The following KHDRBS2 variants were observed in gnomAD, a reference collection of about 807,000 sequenced individuals.
KHDRBS2 encodes the protein KH domain-containing, RNA-binding, signal transduction-associated protein 2.
In KHDRBS2, 26 loss-of-function variants were observed where a neutral mutation model predicts 44.3. That is an observed-to-expected ratio of 0.59 (90% confidence interval 0.43 to 0.81). KHDRBS2 has a LOEUF of 0.81. Among genes scored for constraint, KHDRBS2 ranks in the 40% least tolerant of loss-of-function variants. The pLI is 0.00. For missense variants in KHDRBS2, 476 were observed against 433.1 expected (o/e 1.10, Z -0.88); for synonymous variants, 194 against 151.1 (o/e 1.28, Z -2.08).
chr6:62,236,701 TA>T (rs1334684248), intron 1 of KHDRBS2, among the ~76,000 whole-genome samples: 1 of 151,960 alleles, frequency 6.6e-6, no homozygotes, highest in East Asian at 1.9e-4. Flanking sequence ...TTCTAATAAT[TA>T]AAAAAAGCAA....
At chr6:61,945,110 AAAGTATATATATATAT>A (rs1443089349) in intron 4 of KHDRBS2, among the ~76,000 whole-genome samples, 4 of 46,272 alleles carry the variant, frequency 8.6e-5, no homozygotes, top group East Asian at 4.4e-4. Flanking sequence ...AAAAAAAAAA[AAAGTATATATATATAT>A]ATATATATAT....
At chr6:62,216,706 T>TG (rs1275146786) in intron 1 of KHDRBS2, among the ~76,000 whole-genome samples, 8 of 150,504 alleles carry the variant, frequency 5.3e-5, no homozygotes, top group Non-Finnish European at 8.9e-5. Flanking sequence ...CTTTTTTTTT[T>TG]TTTTGTTTTA....
At chr6:61,687,918 A>G (rs1766996364) in intron 8 of KHDRBS2, among the ~76,000 whole-genome samples, 1 of 151,796 alleles carries the variant, frequency 6.6e-6, no homozygotes, top group African/African-American at 2.4e-5. Flanking sequence ...GCAATATTAG[A>G]AAGAATCCCC....
At chr6:61,957,314 A>T (rs1767595781) in intron 4 of KHDRBS2, among the ~76,000 whole-genome samples, 1 of 152,218 alleles carries the variant, frequency 6.6e-6, no homozygotes, top group African/African-American at 2.4e-5. Flanking sequence ...AAAGAACAGG[A>T]TAACAGCAAT....
At chr6:61,698,614 C>T (rs1434820659) in intron 7 of KHDRBS2, among the ~76,000 whole-genome samples, 1 of 152,076 alleles carries the variant, frequency 6.6e-6, no homozygotes, top group African/African-American at 2.4e-5. Flanking sequence ...TCAAAATTCA[C>T]AAATAGCTTC....
chr6:62,039,992 A>G (rs1786110727), intron 3 of KHDRBS2, among the ~76,000 whole-genome samples: 1 of 152,116 alleles, frequency 6.6e-6, no homozygotes, highest in Non-Finnish European at 1.5e-5. Flanking sequence ...AACCAGCTTT[A>G]TGACTAACCT....
intron 3 of KHDRBS2, among the ~76,000 whole-genome samples, chr6:61,987,839 CTA>C (rs1010033856): frequency 6.6e-6 from 1 of 152,110 alleles, no homozygotes; most frequent in Non-Finnish European, 1.5e-5. Context: ...CAAATGCCTG[CTA>C]TCTTTGAATT....
At chr6:61,622,847 C>G in the KHDRBS2 span, among the ~76,000 whole-genome samples, 1 of 151,958 alleles carries the variant, frequency 6.6e-6, no homozygotes, top group Admixed American at 6.6e-5. Flanking sequence ...AGTGGTAGCT[C>G]TCCTCTGCAA....
intron 6 of KHDRBS2, among the ~76,000 whole-genome samples, chr6:61,771,041 T>A (rs1191402363): frequency 1.3e-5 from 2 of 152,140 alleles, no homozygotes; most frequent in Non-Finnish European, 2.9e-5. Context: ...TCAACATTCT[T>A]AAAGAAAAGA....
chr6:61,867,014 G>C (rs1437502432), intron 6 of KHDRBS2, among the ~76,000 whole-genome samples: 1 of 152,124 alleles, frequency 6.6e-6, no homozygotes, highest in Non-Finnish European at 1.5e-5. Context: ...CCTCCAAACT[G>C]TTCCAACCAC....
At chr6:61,968,297 T>C (rs1485781324) in intron 4 of KHDRBS2, among the ~76,000 whole-genome samples, 1 of 151,922 alleles carries the variant, frequency 6.6e-6, no homozygotes, top group Non-Finnish European at 1.5e-5. Flanking sequence ...AGAGTATTCC[T>C]GAAAATGTTT....
At chr6:62,269,395 C>T (rs536209798) in intron 1 of KHDRBS2, among the ~76,000 whole-genome samples, 7 of 152,126 alleles carry the variant, frequency 4.6e-5, no homozygotes, top group Non-Finnish European at 8.8e-5. Flanking sequence ...AAAAGACCCA[C>T]AATCCAATTA....
At chr6:62,205,284 T>C (rs1393423492) in intron 1 of KHDRBS2, among the ~76,000 whole-genome samples, 1 of 152,148 alleles carries the variant, frequency 6.6e-6, no homozygotes, top group African/African-American at 2.4e-5. Context: ...TCCATAAAAA[T>C]GTGGCAGGCT....
the KHDRBS2 span, among the ~76,000 whole-genome samples, chr6:61,562,373 G>C: frequency 1.3e-5 from 2 of 152,080 alleles, no homozygotes. Flanking sequence ...CTTCTCACAG[G>C]GTGGTCCTCA....
At chr6:62,071,271 T>C (rs1011092200) in intron 2 of KHDRBS2, among the ~76,000 whole-genome samples, 9 of 152,174 alleles carry the variant, frequency 5.9e-5, no homozygotes, top group African/African-American at 2.2e-4. Flanking sequence ...TTGCAAAAAT[T>C]TTCTCCCATT....
At chr6:62,147,752 T>C (rs900046141) in intron 2 of KHDRBS2, among the ~76,000 whole-genome samples, 2 of 152,020 alleles carry the variant, frequency 1.3e-5, no homozygotes, top group African/African-American at 4.8e-5. Flanking sequence ...GGGCCGTGTA[T>C]GTATGTGATA....
chr6:61,864,210 G>A (rs908361424), intron 6 of KHDRBS2, among the ~76,000 whole-genome samples: 4 of 152,136 alleles, frequency 2.6e-5, no homozygotes, highest in African/African-American at 9.7e-5. Context: ...CATACTGACA[G>A]GTCTTGGTTC....
the KHDRBS2 span, among the ~76,000 whole-genome samples, chr6:61,591,486 T>G: frequency 6.6e-6 from 1 of 152,114 alleles, no homozygotes; most frequent in Non-Finnish European, 1.5e-5. Flanking sequence ...GGTAGTGATA[T>G]TTCCTGTTGG....
chr6:62,025,541 T>A (rs1258096020), intron 3 of KHDRBS2, among the ~76,000 whole-genome samples: 1 of 151,952 alleles, frequency 6.6e-6, no homozygotes, highest in African/African-American at 2.4e-5. Context: ...TTTTTTTAAA[T>A]AATACAAGAC....
Sources: gnomAD v4.1 joint callset for allele counts (sites outside exome capture counted in the v4.1 genomes callset) on GRCh38, gnomAD v4.1.1 for gene constraint, MANE v1.5 for transcripts, NCBI Gene and HGNC (gene_info 2026-07-23, HGNC 2026-07-21) for gene names.